MTARC2: variants seen among roughly 807,000 people sequenced by gnomAD.
MTARC2 encodes MOCO sulphurase C-terminal domain containing 2.
In MTARC2, 27 loss-of-function variants were observed where a neutral mutation model predicts 35.6. The observed-to-expected ratio is 0.76, with a 90% CI of 0.56 to 1.04. The LOEUF (loss-of-function observed/expected upper bound fraction) is 1.04. Ranked by LOEUF, MTARC2 falls within the 50% of genes least tolerant of loss-of-function variation. The pLI, the probability that MTARC2 is intolerant of heterozygous loss-of-function variation, is 0.00. For synonymous variants in MTARC2, 158 were observed against 167.1 expected (o/e 0.95, Z 0.42); for missense variants, 412 against 432.5 (o/e 0.95, Z 0.42).
chr1:220,776,715 C>T (rs1671926280), intron 4 of MTARC2, among the ~76,000 whole-genome samples: 1 of 152,190 alleles, frequency 6.6e-6, no homozygotes. Flanking sequence ...CTGAATTTGT[C>T]AGACTCCCTG....
intron 3 of MTARC2, among the ~76,000 whole-genome samples, chr1:220,762,210 C>A (rs1214612380): frequency 2.0e-5 from 3 of 152,188 alleles, no homozygotes; most frequent in Non-Finnish European, 4.4e-5. Context: ...CCGCCCCTCA[C>A]AATCTGTGAC....
chr1:220,771,879 C>A (rs1345224697), intron 4 of MTARC2, among the ~76,000 whole-genome samples: 1 of 151,958 alleles, frequency 6.6e-6, no homozygotes, highest in African/African-American at 2.4e-5. Flanking sequence ...ATGTAACAAA[C>A]CTGCACATTC....
At chr1:220,751,133 G>A (rs546107547) in intron 1 of MTARC2, among the ~76,000 whole-genome samples, 2 of 152,282 alleles carry the variant, frequency 1.3e-5, no homozygotes, top group Non-Finnish European at 1.5e-5. Flanking sequence ...TCAGGGAAAG[G>A]CCTCATTTAA....
chr1:220,778,100 G>T (rs1429880958), intron 4 of MTARC2, among the ~76,000 whole-genome samples: 1 of 151,898 alleles, frequency 6.6e-6, no homozygotes, highest in Non-Finnish European at 1.5e-5. Context: ...AAAATTAACC[G>T]GGCATGGTGG....
In MTARC2 at chr1:220,748,361, C is replaced by T. The variant is rs1671032588; in HGVS notation, c.-171C>T. On this transcript the variant is annotated 5_prime_UTR_variant, in exon 1 of 8. Transcript: ENST00000366913. ...CTTGGTCACCGCATTAAGGCATTCCCGCTCTCCGCGGAACTGCTCTGCCGT... is the reference window on the plus strand; with the variant it reads ...CTTGGTCACCGCATTAAGGCATTCCTGCTCTCCGCGGAACTGCTCTGCCGT... 1.4e-5 allele frequency: 9 copies of T among 639,678 alleles called. No homozygotes were observed. The highest frequency in any genetic ancestry group is 2.0e-5 in the Non-Finnish European group (9 of 440,846). 39.6% of individuals were successfully genotyped at this position (639,678 alleles called of 1,614,324 possible).
Position 220,748,910 on chromosome 1 carries a change from C to T in MTARC2, c.272+107C>T, listed in dbSNP as rs560232676. 240 of 1,325,722 alleles carry T rather than the reference C, an allele frequency of 1.8e-4. No homozygotes were observed. The African/African-American group carries it at 3.3e-3, about 18-fold the overall frequency. 82.1% of individuals were successfully genotyped at this position (1,325,722 alleles called of 1,614,324 possible). On this transcript the variant is annotated intron_variant, in intron 1 of 7. Transcript: ENST00000366913. ...GGGAAGGACTATAGAGGTTTGCCAC[C>T]TGAGTTTCTGGGCTGACTGTTGGGC...
chr1:220,760,932 A>G (rs553545104), intron 2 of MTARC2, among the ~76,000 whole-genome samples: 65 of 152,308 alleles, frequency 4.3e-4, no homozygotes, highest in African/African-American at 1.5e-3. Flanking sequence ...TTTTAAAAGC[A>G]TAATGTAATC....
Position 220,781,840 on chromosome 1 carries a change from A to G in MTARC2, c.947A>G (p.Tyr316Cys), listed in dbSNP as rs937683739. ...AAGTTGTCTCCACTTTTTGGGATCT[A>G]TTATTCAGTGGAAAAAATTGGAAGC... ...LYKLSPLFGI[Y>C]YSVEKIGSLR... Residue 316 changes from tyrosine to cysteine, a missense_variant, in exon 7 of 8, where the codon TAT becomes TGT. Coordinates refer to ENST00000366913, the MANE Select transcript of MTARC2 (RefSeq NM_017898.5). The G allele has an allele frequency of 1.2e-6, 2 of 1,614,026 alleles. No individual in the cohort carries two copies. Among genetic ancestry groups the G allele is most frequent in the East Asian group, 2.2e-5 (1 of 44,886 alleles).
In MTARC2 at chr1:220,763,023, G is replaced by T. The variant is rs773232890; in HGVS notation, c.723G>T (p.Val241=). Residue 241 remains valine, a synonymous_variant, in exon 4 of 8, where the codon GTG becomes GTT. Transcript: ENST00000366913. ...MKMENFRPNI[V]VTGCDAFEED... The stretch of plus-strand genomic sequence containing the variant: ...TGGAGAATTTCAGGCCAAATATTGT[G>T]GTGACCGGCTGTGATGCTTTTGAGG... 10 of 1,613,998 alleles carry T rather than the reference G, an allele frequency of 6.2e-6. No individual in the cohort carries two copies. Among genetic ancestry groups the T allele is most frequent in the Non-Finnish European group, 8.5e-6 (10 of 1,180,040 alleles).
intron 2 of MTARC2, among the ~76,000 whole-genome samples, chr1:220,760,430 C>G (rs561504932): frequency 4.6e-5 from 7 of 152,302 alleles, no homozygotes; most frequent in African/African-American, 1.7e-4. Flanking sequence ...AGTGAAATTA[C>G]TATAACTCCC....
chr1:220,775,535 A>T (rs1028506788), intron 4 of MTARC2, among the ~76,000 whole-genome samples: 29 of 152,054 alleles, frequency 1.9e-4, no homozygotes, highest in Non-Finnish European at 4.1e-4. Flanking sequence ...TATCTTTCCA[A>T]CTTTTATTTT....
chr1:220,758,248 G>T (rs1184042992), intron 2 of MTARC2, among the ~76,000 whole-genome samples: 2 of 152,080 alleles, frequency 1.3e-5, no homozygotes, highest in African/African-American at 4.8e-5. Flanking sequence ...TTCCCAAAGT[G>T]CAGGGATTAC....
chr1:220,781,431 G>A (rs1672067497), intron 6 of MTARC2, among the ~76,000 whole-genome samples: 1 of 152,210 alleles, frequency 6.6e-6, no homozygotes, highest in South Asian at 2.1e-4. Context: ...GATTTGTAGA[G>A]TTCAGGGCCA....
In MTARC2 at chr1:220,764,092, C is replaced by T. The variant is rs1414706326; in HGVS notation, c.750+1042C>T. On this transcript the variant is annotated intron_variant, in intron 4 of 7. Coordinates refer to ENST00000366913, the MANE Select transcript of MTARC2 (RefSeq NM_017898.5). ...TTCCTTTTGTGTGAGTAAAATGTGC[C>T]CTAATTTTTTTTTTTTTTTGAGAGA... Among the ~76,000 whole-genome samples, 4 of 151,928 alleles carry T rather than the reference C, an allele frequency of 2.6e-5. No homozygotes were observed. In the South Asian group the frequency reaches 8.3e-4, roughly 32 times the overall value.
At chr1:220,754,509 A>C in intron 1 of MTARC2, 1 of 448,560 alleles carries the variant, frequency 2.2e-6, no homozygotes, top group Non-Finnish European at 4.5e-6. Context: ...CTCAGACTCA[A>C]ACTCACTTGG....
chr1:220,758,890 A>G (rs1412382164), intron 2 of MTARC2, among the ~76,000 whole-genome samples: 1 of 152,080 alleles, frequency 6.6e-6, no homozygotes, highest in East Asian at 1.9e-4. Context: ...AGCACTTGCA[A>G]GAGGACCTGG....
chr1:220,766,335 G>A (rs939313541), intron 4 of MTARC2, among the ~76,000 whole-genome samples: 2 of 152,218 alleles, frequency 1.3e-5, no homozygotes, highest in African/African-American at 4.8e-5. Context: ...TGGCTTGCCA[G>A]TAAACCCACC....
At chr1:220,769,111 T>G (rs1671661928) in intron 4 of MTARC2, among the ~76,000 whole-genome samples, 2 of 152,196 alleles carry the variant, frequency 1.3e-5, no homozygotes, top group African/African-American at 4.8e-5. Context: ...TACATTTGCT[T>G]TTTTGATTAC....
At chr1:220,769,524 G>T (rs1558071363) in intron 4 of MTARC2, among the ~76,000 whole-genome samples, 1 of 152,140 alleles carries the variant, frequency 6.6e-6, no homozygotes, top group Non-Finnish European at 1.5e-5. Context: ...TGTAGCCAGG[G>T]GTGGGAACCA....
Sources: allele counts gnomAD v4.1 joint callset (sites outside exome capture counted in the v4.1 genomes callset), GRCh38; gene constraint gnomAD v4.1.1; transcripts MANE v1.5; gene names NCBI Gene and HGNC (gene_info 2026-07-23, HGNC 2026-07-21).